CAB39: variants seen among roughly 807,000 people sequenced by gnomAD.
CAB39 encodes the protein calcium-binding protein 39.
CAB39 carries 8 observed loss-of-function variants against 40.0 expected under a neutral mutation model. The ratio of observed to expected loss-of-function variants is 0.20; its 90% confidence interval spans 0.12 to 0.36. The LOEUF is 0.36. CAB39 is among the 10% of genes least tolerant of loss of function. The probability of loss-of-function intolerance (pLI) is 1.00; values close to 1 mark genes in which losing one functional copy is unlikely to be tolerated. For synonymous variants in CAB39, 156 were observed against 141.6 expected, an observed-to-expected ratio of 1.10 and a Z score of -0.72; for missense variants, 270 against 401.1, an observed-to-expected ratio of 0.67 and a Z score of 2.79.
At chr2:230,764,323 G>A (rs1047690695) in intron 2 of CAB39, among the ~76,000 whole-genome samples, 4 of 152,160 alleles carry the variant, frequency 2.6e-5, no homozygotes, top group African/African-American at 9.7e-5. Context: ...TAGGCTTTGG[G>A]TAAGAGGATT....
chr2:230,804,405 C>T (rs1048673799), intron 5 of CAB39, among the ~76,000 whole-genome samples: 4 of 152,068 alleles, frequency 2.6e-5, no homozygotes, highest in Admixed American at 2.6e-4. Flanking sequence ...TAAATGGGAT[C>T]TAAATAAAGA....
At chr2:230,814,156 G>C (rs1211620788) in intron 7 of CAB39, 42 bp downstream of exon 7, 2 of 968,012 alleles carry the variant, frequency 2.1e-6, no homozygotes, top group African/African-American at 3.3e-5. Flanking sequence ...TCTGTACCTT[G>C]TGTTTGAAAT....
intron 7 of CAB39, among the ~76,000 whole-genome samples, chr2:230,817,302 C>T (rs1696418937): frequency 6.6e-6 from 1 of 152,134 alleles, no homozygotes; most frequent in African/African-American, 2.4e-5. Flanking sequence ...ACTTTGGACA[C>T]AAAACCCTTT....
chr2:230,773,298 G>GTGTATATA (rs759059088), intron 2 of CAB39, among the ~76,000 whole-genome samples: 9 of 127,868 alleles, frequency 7.0e-5, no homozygotes, highest in African/African-American at 2.9e-4. Flanking sequence ...GGGTGTATGT[G>GTGTATATA]TATATATATA....
chr2:230,791,064 A>T, intron 3 of CAB39, 28 bp downstream of exon 3: 1 of 1,495,400 alleles, frequency 6.7e-7, no homozygotes, highest in Non-Finnish European at 9.1e-7. Context: ...TATTTTTAAA[A>T]AACAGTACCC....
chr2:230,744,468 A>G (rs1352932052), intron 1 of CAB39, among the ~76,000 whole-genome samples: 7 of 151,706 alleles, frequency 4.6e-5, no homozygotes, highest in Admixed American at 2.6e-4. Flanking sequence ...TAATTTTTGT[A>G]TTTTTAGTAA....
At chr2:230,756,412 A>G (rs181538399) in intron 1 of CAB39, among the ~76,000 whole-genome samples, 2 of 152,336 alleles carry the variant, frequency 1.3e-5, no homozygotes, top group African/African-American at 4.8e-5. Context: ...TAATGCAGTC[A>G]ATCATTGACT....
intron 1 of CAB39, among the ~76,000 whole-genome samples, chr2:230,757,321 C>T (rs972050845): frequency 2.6e-5 from 4 of 152,102 alleles, no homozygotes; most frequent in Non-Finnish European, 5.9e-5. Flanking sequence ...GTCTCAAACT[C>T]CTGACCTCAA....
Position 230,725,381 on chromosome 2 carries a change from C to T in CAB39, c.-44+12151C>T, listed in dbSNP as rs188419224. 105 of 1,600,302 alleles carry T rather than the reference C, an allele frequency of 6.6e-5. No individual in the cohort carries two copies. In the Middle Eastern group the frequency reaches 9.0e-4, roughly 14 times the overall value. Reference sequence around the variant, plus strand: ...CCCCATGGGCTCTGCCACGAAGTCTCGGTGCTTTTGGGAGGTTGTCATCTT... The same window carrying T: ...CCCCATGGGCTCTGCCACGAAGTCTTGGTGCTTTTGGGAGGTTGTCATCTT... On this transcript the variant is annotated intron_variant, in intron 1 of 8. Transcript: ENST00000258418.
At position 230,817,102 on chromosome 2, in the gene CAB39, C is replaced by T. The variant is rs1575967551; in HGVS notation, c.694-652C>T. On this transcript the variant is annotated intron_variant, in intron 7 of 8. Coordinates refer to ENST00000258418, the MANE Select transcript of CAB39 (RefSeq NM_016289.4). ...ACCAACTCTCCAGAAATTAGTAAAC[C>T]CTTGAAGTAAACAGATGTTTTTTTA... Among the ~76,000 whole-genome samples the T allele has an allele frequency of 2.6e-5, 4 of 152,196 alleles. No homozygotes were observed. In the South Asian group the frequency reaches 8.3e-4, roughly 32 times the overall value.
chr2:230,772,691 T>C (rs917268045), intron 2 of CAB39, among the ~76,000 whole-genome samples: 5 of 151,950 alleles, frequency 3.3e-5, no homozygotes, highest in Non-Finnish European at 7.4e-5. Context: ...TTCACCGTGT[T>C]AGCCAGGATG....
At chr2:230,805,185 C>G (rs909955278) in intron 5 of CAB39, among the ~76,000 whole-genome samples, 2 of 150,344 alleles carry the variant, frequency 1.3e-5, no homozygotes, top group Middle Eastern at 3.4e-3. Context: ...CTCATAGGTG[C>G]GAATTGAACA....
chr2:230,773,311 T>G (rs1695522413), intron 2 of CAB39, among the ~76,000 whole-genome samples: 1 of 113,172 alleles, frequency 8.8e-6, no homozygotes, highest in Non-Finnish European at 1.8e-5. Context: ...TATATATATA[T>G]ATATGTGTGT....
chr2:230,757,307 G>A (rs145402822), intron 1 of CAB39, among the ~76,000 whole-genome samples: 191 of 152,054 alleles, frequency 1.3e-3, no homozygotes, highest in African/African-American at 4.3e-3. Flanking sequence ...TGTTGCCGAG[G>A]CTGGTCTCAA....
At chr2:230,764,196 A>G (rs1490290593) in intron 2 of CAB39, among the ~76,000 whole-genome samples, 3 of 152,210 alleles carry the variant, frequency 2.0e-5, no homozygotes, top group Non-Finnish European at 4.4e-5. Flanking sequence ...CAATGTTGCA[A>G]AATAGGTATA....
At chr2:230,795,857 A>G (rs1352099996) in intron 4 of CAB39, among the ~76,000 whole-genome samples, 2 of 152,016 alleles carry the variant, frequency 1.3e-5, no homozygotes, top group Non-Finnish European at 2.9e-5. Context: ...TTTTTTTAGT[A>G]TAATCAGTTG....
chr2:230,725,416 T>C, intron 1 of CAB39: 1 of 1,588,602 alleles, frequency 6.3e-7, no homozygotes, highest in Non-Finnish European at 8.6e-7. Context: ...TGATCAGGCT[T>C]AATCCGCAAC....
At chr2:230,739,643 C>T (rs1269815643) in intron 1 of CAB39, among the ~76,000 whole-genome samples, 5 of 152,130 alleles carry the variant, frequency 3.3e-5, no homozygotes, top group South Asian at 2.1e-4. Context: ...TACAGGCATG[C>T]GCCACCACGC....
At position 230,819,285 on chromosome 2, in the gene CAB39, T is replaced by C. The variant is rs1696464836; in HGVS notation, c.*581T>C. Reference sequence around the variant, plus strand: ...AAAAGTGTAAAGAAGCCTCATAAGATCATAAGGAAAATGTATATATGCTTT... The same window carrying C: ...AAAAGTGTAAAGAAGCCTCATAAGACCATAAGGAAAATGTATATATGCTTT... On this transcript the variant is annotated 3_prime_UTR_variant, in exon 9 of 9. Coordinates refer to ENST00000258418, the MANE Select transcript of CAB39 (RefSeq NM_016289.4). 6.6e-6 allele frequency: 1 copy of C among 152,606 alleles called. No homozygotes were observed. Among genetic ancestry groups the C allele is most frequent in the Admixed American group, 6.5e-5 (1 of 15,290 alleles). 9.5% of individuals were successfully genotyped at this position (152,606 alleles called of 1,614,324 possible).
Sources: allele counts gnomAD v4.1 joint callset (sites outside exome capture counted in the v4.1 genomes callset), GRCh38; gene constraint gnomAD v4.1.1; transcripts MANE v1.5; gene names NCBI Gene and HGNC (gene_info 2026-07-23, HGNC 2026-07-21).